HPSE2: variants seen among roughly 807,000 people sequenced by gnomAD.
The protein encoded by HPSE2 is heparanase 2 (inactive).
Under a neutral mutation model 60.5 loss-of-function variants are expected in HPSE2, and 38 were observed. That is an observed-to-expected ratio of 0.63 (90% CI 0.48 to 0.82). The LOEUF is 0.82. Ranked by LOEUF, HPSE2 falls within the 40% of genes least tolerant of loss-of-function variation. The probability of loss-of-function intolerance (pLI) is 0.00; values close to 1 mark genes in which losing one functional copy is unlikely to be tolerated. For missense variants in HPSE2, 713 were observed against 740.4 expected, an observed-to-expected ratio of 0.96 and a Z score of 0.43; for synonymous variants, 295 against 293.2, an observed-to-expected ratio of 1.01 and a Z score of -0.06.
At chr10:98,908,671 G>A (rs545413612) in intron 3 of HPSE2, among the ~76,000 whole-genome samples, 25 of 103,506 alleles carry the variant, frequency 2.4e-4, no homozygotes, top group South Asian at 3.8e-4. Flanking sequence ...CAACAAGAGC[G>A]TAGCTCCATC....
intron 11 of HPSE2, among the ~76,000 whole-genome samples, chr10:98,460,311 C>T (rs1251766382): frequency 6.6e-6 from 1 of 152,122 alleles, no homozygotes; most frequent in East Asian, 1.9e-4. Context: ...ACATAGGTAA[C>T]ACCTCTACTT....
chr10:99,024,343 A>G (rs1274349954), intron 3 of HPSE2, among the ~76,000 whole-genome samples: 2 of 152,196 alleles, frequency 1.3e-5, no homozygotes, highest in African/African-American at 4.8e-5. Context: ...CAAGATCTAG[A>G]TAGGTTATAA....
chr10:99,242,678 G>A, the HPSE2 span, among the ~76,000 whole-genome samples: 2 of 152,262 alleles, frequency 1.3e-5, no homozygotes, highest in East Asian at 3.9e-4. Context: ...TGAAAAAAGT[G>A]TGGACTTTGG....
intron 3 of HPSE2, among the ~76,000 whole-genome samples, chr10:99,070,789 T>C (rs1842763215): frequency 1.3e-5 from 2 of 152,220 alleles, no homozygotes. Context: ...TTATTTGACT[T>C]AGCATAATGT....
chr10:99,119,554 T>A (rs1844863495), intron 3 of HPSE2, among the ~76,000 whole-genome samples: 1 of 152,204 alleles, frequency 6.6e-6, no homozygotes, highest in African/African-American at 2.4e-5. Flanking sequence ...TCCTTTAAAC[T>A]ACCAATGGCA....
intron 9 of HPSE2, among the ~76,000 whole-genome samples, chr10:98,597,692 T>C (rs1409207538): frequency 7.2e-6 from 1 of 139,804 alleles, no homozygotes; most frequent in Non-Finnish European, 1.5e-5. Flanking sequence ...AAAAAATTGC[T>C]CATCCGCATG....
rs1386551373 is a variant in HPSE2, at chr10:98,988,882, A to G, written c.610+155356T>C. ...AAAGAAGACATTTATGCAGCCAAAA[A>G]ACACATGAAAAAATGCTCATCATCT... On this transcript the variant is annotated intron_variant, in intron 3 of 11. Coordinates refer to ENST00000370552, the MANE Select transcript of HPSE2 (RefSeq NM_021828.5). 1.7e-3 allele frequency among the ~76,000 whole-genome samples: 241 copies of G among 138,048 alleles called. 3 individuals are homozygous for G. The highest frequency in any genetic ancestry group is 6.4e-3 in the African/African-American group (235 of 36,710). The allele number at this position is 138,048 out of a possible 152,430, so 90.6% of individuals were successfully genotyped here.
intron 3 of HPSE2, among the ~76,000 whole-genome samples, chr10:99,118,255 A>G (rs1844787493): frequency 6.6e-6 from 1 of 152,064 alleles, no homozygotes; most frequent in African/African-American, 2.4e-5. Flanking sequence ...TGGGTGTGGT[A>G]GCTCACGTCT....
Position 99,053,375 on chromosome 10 carries a change from A to G in HPSE2, c.610+90863T>C, listed in dbSNP as rs139579614. Among the ~76,000 whole-genome samples the G allele has an allele frequency of 3.3e-3, 497 of 152,260 alleles. 2 individuals are homozygous for G. Among genetic ancestry groups the G allele is most frequent in the Middle Eastern group, 0.01 (3 of 294 alleles). On this transcript the variant is annotated intron_variant, in intron 3 of 11. Coordinates refer to ENST00000370552, the MANE Select transcript of HPSE2 (RefSeq NM_021828.5). ...GCAACCACTAAAAAACAGTACAAAA[A>G]GTTATAGCTAAAAAGACATTAGAAG...
At chr10:99,075,131 T>G (rs1842915879) in intron 3 of HPSE2, among the ~76,000 whole-genome samples, 1 of 152,138 alleles carries the variant, frequency 6.6e-6, no homozygotes, top group African/African-American at 2.4e-5. Flanking sequence ...TTAGGTTACT[T>G]GAGATCTCTT....
In HPSE2 at chr10:99,172,305, A is replaced by G. The variant is rs190081324; in HGVS notation, c.449-27906T>C. ...TTGCCTAACCTGGAAGCAAACCAAA[A>G]TTCCTCATGTGGATGGCTTTGGAGC... On this transcript the variant is annotated intron_variant, in intron 2 of 11. Transcript: ENST00000370552. Among the ~76,000 whole-genome samples, 503 of 152,314 alleles carry G rather than the reference A, an allele frequency of 3.3e-3. 2 individuals carry two copies. The highest frequency in any genetic ancestry group is 4.6e-3 in the Non-Finnish European group (316 of 68,028).
At chr10:98,915,337 C>T (rs1266598843) in intron 3 of HPSE2, among the ~76,000 whole-genome samples, 2 of 151,688 alleles carry the variant, frequency 1.3e-5, no homozygotes, top group South Asian at 2.1e-4. Flanking sequence ...TTAATAGAGA[C>T]GGGGTTTCAC....
chr10:98,986,083 C>T (rs548033261), intron 3 of HPSE2, among the ~76,000 whole-genome samples: 21 of 152,210 alleles, frequency 1.4e-4, no homozygotes, highest in African/African-American at 4.3e-4. Context: ...GACAGATCAA[C>T]GAGACAGAAA....
At chr10:99,247,443 C>T in the HPSE2 span, among the ~76,000 whole-genome samples, 2 of 152,232 alleles carry the variant, frequency 1.3e-5, no homozygotes, top group African/African-American at 2.4e-5. Context: ...CAAAAACACA[C>T]TTAAGTATAT....
intron 3 of HPSE2, among the ~76,000 whole-genome samples, chr10:98,758,890 G>T (rs1949942628): frequency 6.6e-6 from 1 of 152,162 alleles, no homozygotes; most frequent in Non-Finnish European, 1.5e-5. Flanking sequence ...GCATGCATAT[G>T]TTCAATGCAG....
chr10:98,593,188 T>C (rs900982435), intron 9 of HPSE2, among the ~76,000 whole-genome samples: 4 of 152,224 alleles, frequency 2.6e-5, no homozygotes, highest in Admixed American at 6.5e-5. Context: ...GAACTAAATG[T>C]AACATATAAT....
intron 3 of HPSE2, among the ~76,000 whole-genome samples, chr10:98,874,426 T>C (rs1230156207): frequency 1.3e-5 from 2 of 151,980 alleles, no homozygotes; most frequent in African/African-American, 2.4e-5. Context: ...GTCTAGGGTG[T>C]AAAGGAATGT....
intron 3 of HPSE2, among the ~76,000 whole-genome samples, chr10:99,130,193 A>G (rs1845328972): frequency 6.6e-6 from 1 of 152,174 alleles, no homozygotes; most frequent in Non-Finnish European, 1.5e-5. Flanking sequence ...GCTGAATTCT[A>G]TTGAACATTG....
chr10:99,206,622 C>G (rs904482664), intron 2 of HPSE2, among the ~76,000 whole-genome samples: 1 of 151,228 alleles, frequency 6.6e-6, no homozygotes, highest in Non-Finnish European at 1.5e-5. Flanking sequence ...ACTCCTAACC[C>G]CCATGTTGTT....
Sources: allele counts gnomAD v4.1 joint callset (sites outside exome capture counted in the v4.1 genomes callset), GRCh38; gene constraint gnomAD v4.1.1; transcripts MANE v1.5; gene names NCBI Gene and HGNC (gene_info 2026-07-23, HGNC 2026-07-21).